The following MYO9A variants were observed in gnomAD, a reference collection of about 807,000 sequenced individuals.
The protein encoded by MYO9A is unconventional myosin-IXa.
Under a neutral mutation model 293.3 loss-of-function variants are expected in MYO9A, and 103 were observed. The ratio of observed to expected loss-of-function variants is 0.35; its 90% CI spans 0.30 to 0.41. MYO9A has a LOEUF of 0.41. MYO9A is among the 10% of genes least tolerant of loss of function. The probability of loss-of-function intolerance (pLI) is 1.00; values close to 1 mark genes in which losing one functional copy is unlikely to be tolerated. For missense variants in MYO9A, 2,685 were observed against 3,033.0 expected (o/e 0.89, Z 2.69); for synonymous variants, 1,001 against 1,035.7 (o/e 0.97, Z 0.64).
chr15:71,914,834 A>G (rs2057962567), intron 19 of MYO9A, among the ~76,000 whole-genome samples: 1 of 152,194 alleles, frequency 6.6e-6, no homozygotes, highest in South Asian at 2.1e-4. Context: ...ACACAATAGG[A>G]TTGTGATTAT....
chr15:71,823,397 T>TG lies in MYO9A; in HGVS notation c.*3182dup, dbSNP rs1424643477. On this transcript the variant is annotated 3_prime_UTR_variant, in exon 42 of 42. Coordinates refer to ENST00000356056, the MANE Select transcript of MYO9A (RefSeq NM_006901.4). ...TAATCTTCCAGCAGGGTAAGTGCTC[T>TG]GGCAGGTTTCCAAAGCATGAGAAGG... The TG allele has an allele frequency of 1.3e-5, 2 of 152,244 alleles. No individual in the cohort carries two copies. The highest frequency in any genetic ancestry group is 2.9e-5 in the Non-Finnish European group (2 of 68,066). The allele number at this position is 152,244 out of a possible 1,614,324, so 9.4% of individuals were successfully genotyped here. A position where few individuals can be genotyped will look rare whatever the true frequency, so the allele number is the denominator to read the frequency against.
intron 14 of MYO9A, among the ~76,000 whole-genome samples, chr15:71,956,352 A>ATATATATAT (rs1346560683): frequency 3.1e-5 from 2 of 64,920 alleles, no homozygotes; most frequent in African/African-American, 1.0e-4. Flanking sequence ...TATATATATA[A>ATATATATAT]AATACGCCCA....
chr15:71,951,892 A>G lies in MYO9A; in HGVS notation c.2187T>C (p.His729=), dbSNP rs767148810. Residue 729 remains histidine, a synonymous_variant, in exon 15 of 42, where the codon CAT becomes CAC. Coordinates refer to ENST00000356056, the MANE Select transcript of MYO9A (RefSeq NM_006901.4). ...GKRNIHRKTG[H]DDTAPCAILK... ...AAATTGCACATGGCGCTGTATCATC[A>G]TGTCCTTAGGAAGCAAAAAAAAACA... 1 of 1,592,868 alleles carries G rather than the reference A, an allele frequency of 6.3e-7. No homozygotes were observed. The highest frequency in any genetic ancestry group is 1.8e-5 in the Admixed American group (1 of 54,836).
chr15:71,925,325 A>G (rs9744091), intron 18 of MYO9A, among the ~76,000 whole-genome samples: 4 of 23,266 alleles, frequency 1.7e-4, no homozygotes, highest in Middle Eastern at 0.056. Context: ...GTATATGTAC[A>G]TATATACGTA....
chr15:71,849,974 T>A lies in MYO9A; in HGVS notation c.6713+62A>T, dbSNP rs1229405134. 2.5e-6 allele frequency: 3 copies of A among 1,207,282 alleles called. No individual in the cohort carries two copies. The East Asian group carries it at 9.7e-5, about 39-fold the overall frequency. The allele number at this position is 1,207,282 out of a possible 1,614,324, so 74.8% of individuals were successfully genotyped here. A position where few individuals can be genotyped will look rare whatever the true frequency, so the allele number is the denominator to read the frequency against. ...CCATTCACTATGTTTGATATCTGGATACAGTGACTACATAGTCAGAAGTCC... is the reference window on the plus strand; with the variant it reads ...CCATTCACTATGTTTGATATCTGGAAACAGTGACTACATAGTCAGAAGTCC... On this transcript the variant is annotated intron_variant, in intron 38 of 41. Coordinates refer to ENST00000356056, the MANE Select transcript of MYO9A (RefSeq NM_006901.4).
chr15:72,007,763 C>T (rs1411916012), intron 8 of MYO9A, 63 bp downstream of exon 8: 1 of 1,531,468 alleles, frequency 6.5e-7, no homozygotes, highest in East Asian at 2.3e-5. Flanking sequence ...CTACAAAATA[C>T]ACAAAATAAA....
At chr15:72,028,253 A>T (rs372634577) in intron 3 of MYO9A, among the ~76,000 whole-genome samples, 1 of 147,466 alleles carries the variant, frequency 6.8e-6, no homozygotes, top group Non-Finnish European at 1.5e-5. Flanking sequence ...ATATATATGT[A>T]CATACTATTA....
Position 72,115,786 on chromosome 15 carries a change from T to C in MYO9A, c.-72+1894A>G, listed in dbSNP as rs2080949348. The stretch of plus-strand genomic sequence containing the variant: ...GAGAAATTTAGTTACATCCTTTCTG[T>C]AGGTTCAACATAAAAGAATCATCAG... On this transcript the variant is annotated intron_variant, in intron 1 of 41. Coordinates refer to ENST00000356056, the MANE Select transcript of MYO9A (RefSeq NM_006901.4). 1.3e-5 allele frequency among the ~76,000 whole-genome samples: 2 copies of C among 152,248 alleles called. 1 individual carries two copies. The highest frequency in any genetic ancestry group is 4.1e-4 in the South Asian group (2 of 4,834).
Position 72,007,965 on chromosome 15 carries a change from A to C in MYO9A, c.1254-13T>G, listed in dbSNP as rs374684636. The stretch of plus-strand genomic sequence containing the variant: ...AAGAGAGAAAATCCTGGGAAAATAA[A>C]ACACAAATTATAGCTTAGTTGTGTC... On this transcript the variant is annotated splice_polypyrimidine_tract_variant and intron_variant, in intron 7 of 41. Transcript: ENST00000356056. 89 of 1,606,056 alleles carry C rather than the reference A, an allele frequency of 5.5e-5. No individual in the cohort carries two copies. The African/African-American group carries it at 8.0e-4, about 15-fold the overall frequency.
chr15:72,114,391 C>G (rs2080892013), intron 1 of MYO9A: 1 of 152,050 alleles, frequency 6.6e-6, no homozygotes, highest in African/African-American at 2.4e-5. Flanking sequence ...ATAGAGGCAA[C>G]AAAAAGTAAT....
At chr15:72,021,765 TA>T (rs1328538726) in intron 4 of MYO9A, among the ~76,000 whole-genome samples, 2 of 152,138 alleles carry the variant, frequency 1.3e-5, no homozygotes, top group African/African-American at 2.4e-5. Flanking sequence ...AAACCTCCAG[TA>T]AATGTCCTGG....
chr15:72,026,013 C>G (rs574140433), intron 4 of MYO9A, among the ~76,000 whole-genome samples: 4 of 152,058 alleles, frequency 2.6e-5, no homozygotes, highest in Admixed American at 6.5e-5. Context: ...GGCATGGTGG[C>G]TCACGCCTGT....
chr15:71,846,475 GC>G (rs1230969536), intron 39 of MYO9A, among the ~76,000 whole-genome samples: 1 of 152,172 alleles, frequency 6.6e-6, no homozygotes, highest in Non-Finnish European at 1.5e-5. Context: ...AGTGAGAAGA[GC>G]ACTGGATTAA....
rs540465805 is a variant in MYO9A, at chr15:71,970,084, A to G, written c.1845-1959T>C. Among the ~76,000 whole-genome samples the G allele has an allele frequency of 6.6e-5, 10 of 152,334 alleles. No individual in the cohort carries two copies. In the South Asian group the frequency reaches 2.1e-3, roughly 32 times the overall value. ...TGCCTTAAATGAATGCTCTAATCCT[A>G]ACTTCGGTTGTTAAAATGTAGATTC... On this transcript the variant is annotated intron_variant, in intron 12 of 41. Transcript: ENST00000356056.
chr15:71,909,058 G>A (rs931661550), intron 19 of MYO9A, among the ~76,000 whole-genome samples: 3 of 152,060 alleles, frequency 2.0e-5, no homozygotes, highest in African/African-American at 7.2e-5. Flanking sequence ...TGTATTTAAG[G>A]TTCCTGCAAG....
chr15:72,072,884 CCT>C (rs555398393), intron 1 of MYO9A, among the ~76,000 whole-genome samples: 4 of 151,988 alleles, frequency 2.6e-5, no homozygotes, highest in Non-Finnish European at 5.9e-5. Context: ...ACGTATACAC[CCT>C]GAATCTAAAA....
At chr15:72,004,795 T>C (rs1176861021) in intron 8 of MYO9A, among the ~76,000 whole-genome samples, 4 of 152,290 alleles carry the variant, frequency 2.6e-5, no homozygotes, top group Non-Finnish European at 5.9e-5. Flanking sequence ...GCTCAAAACA[T>C]TCATTATTGC....
intron 32 of MYO9A, among the ~76,000 whole-genome samples, chr15:71,875,244 A>G (rs2056648440): frequency 6.6e-6 from 1 of 152,068 alleles, no homozygotes; most frequent in Admixed American, 6.6e-5. Context: ...TATCATATAG[A>G]TGTGTCTAAT....
chr15:72,075,302 TA>T (rs2079316480), intron 1 of MYO9A, among the ~76,000 whole-genome samples: 1 of 151,892 alleles, frequency 6.6e-6, no homozygotes, highest in South Asian at 2.1e-4. Flanking sequence ...TCACATATAA[TA>T]AAAATTACAG....
Sources: gnomAD v4.1 joint callset for allele counts (sites outside exome capture counted in the v4.1 genomes callset) on GRCh38, gnomAD v4.1.1 for gene constraint, MANE v1.5 for transcripts, NCBI Gene and HGNC (gene_info 2026-07-23, HGNC 2026-07-21) for gene names.